RNF157: variants seen among roughly 807,000 people sequenced by gnomAD.
The protein encoded by RNF157 is E3 ubiquitin ligase RNF157.
A neutral mutation model predicts 88.3 loss-of-function variants in RNF157; 55 were observed. That is an observed-to-expected ratio of 0.62 (90% CI 0.50 to 0.78). The LOEUF is 0.78. Ranked by LOEUF, RNF157 falls within the 30% of genes least tolerant of loss-of-function variation. RNF157 has a pLI of 0.00. For synonymous variants in RNF157, 334 were observed against 341.2 expected (o/e 0.98, Z 0.23); for missense variants, 788 against 860.8 (o/e 0.92, Z 1.06).
chr17:76,240,151 A>G lies in RNF157; in HGVS notation c.88+2T>C. 7.5e-7 allele frequency: 1 copy of G among 1,340,444 alleles called. No individual in the cohort carries two copies. 83.0% of individuals were successfully genotyped at this position (1,340,444 alleles called of 1,614,324 possible). On this transcript the variant is annotated splice_donor_variant, in intron 1 of 18. Transcript: ENST00000269391. LOFTEE classifies it high-confidence loss of function. The surrounding 1 kb of genome is among the most constrained non-coding windows in gnomAD (Gnocchi z 4.4). ...GCGGCTGCGGCGCCCGCCCGCCCTCACCGGACTTGGGCGGGTAGCGGTACA... is the reference window on the plus strand; with the variant it reads ...GCGGCTGCGGCGCCCGCCCGCCCTCGCCGGACTTGGGCGGGTAGCGGTACA...
intron 2 of RNF157, among the ~76,000 whole-genome samples, chr17:76,188,686 A>G (rs567248066): frequency 2.0e-5 from 3 of 152,342 alleles, no homozygotes; most frequent in African/African-American, 7.2e-5. Flanking sequence ...TAATACAAAC[A>G]TTCTCTTATG....
chr17:76,232,083 C>G (rs1465298323), intron 1 of RNF157, among the ~76,000 whole-genome samples: 1 of 152,088 alleles, frequency 6.6e-6, no homozygotes, highest in Non-Finnish European at 1.5e-5. Context: ...TAGTTTATCC[C>G]TTTAAATTGT....
intron 14 of RNF157, 55 bp downstream of exon 14, chr17:76,156,155 A>G: frequency 7.4e-7 from 1 of 1,357,702 alleles, no homozygotes; most frequent in Admixed American, 1.7e-5. Context: ...GCACCAGGAC[A>G]CTGTGGGCTG....
At chr17:76,188,179 T>C (rs2069324850) in intron 2 of RNF157, among the ~76,000 whole-genome samples, 2 of 152,232 alleles carry the variant, frequency 1.3e-5, no homozygotes, top group African/African-American at 4.8e-5. Context: ...CTTTAGGTTC[T>C]AGATGGTGAA....
chr17:76,226,454 T>C, intron 1 of RNF157: 1 of 1,603,116 alleles, frequency 6.2e-7, no homozygotes, highest in Non-Finnish European at 8.5e-7. Flanking sequence ...ATTACAAGTG[T>C]CATCCAACGT....
chr17:76,168,512 T>C (rs1394475823), intron 3 of RNF157, among the ~76,000 whole-genome samples: 2 of 151,926 alleles, frequency 1.3e-5, no homozygotes, highest in Non-Finnish European at 2.9e-5. Flanking sequence ...TGTCTAAATC[T>C]CTCAAGACGT....
At chr17:76,234,114 TAAA>T (rs1481555473) in intron 1 of RNF157, among the ~76,000 whole-genome samples, 1 of 152,246 alleles carries the variant, frequency 6.6e-6, no homozygotes, top group Admixed American at 6.5e-5. Context: ...GCATTTCTTA[TAAA>T]TGAGATTATT....
Position 76,154,791 on chromosome 17 carries a change from G to A in RNF157, c.1764+461C>T, listed in dbSNP as rs539216305. ...CCACAGCACACCATGGTCAGGGCAC[G>A]TCTCACACTGAACTGTGGTCCTGTC... On this transcript the variant is annotated intron_variant, in intron 16 of 18. Transcript: ENST00000269391. The A allele has an allele frequency of 4.7e-5, 11 of 236,482 alleles. 1 individual carries two copies. Among genetic ancestry groups the A allele is most frequent in the South Asian group, 2.0e-4 (3 of 15,222 alleles). The allele number at this position is 236,482 out of a possible 1,614,324, so 14.6% of individuals were successfully genotyped here. A position where few individuals can be genotyped will look rare whatever the true frequency, so the allele number is the denominator to read the frequency against.
At chr17:76,168,651 T>C (rs2068966124) in intron 3 of RNF157, among the ~76,000 whole-genome samples, 1 of 152,112 alleles carries the variant, frequency 6.6e-6, no homozygotes, top group South Asian at 2.1e-4. Context: ...CCCTCCAACA[T>C]CCTGGTGGGT....
At chr17:76,174,839 ACATT>A (rs1243324552) in intron 2 of RNF157, among the ~76,000 whole-genome samples, 1 of 152,268 alleles carries the variant, frequency 6.6e-6, no homozygotes, top group Non-Finnish European at 1.5e-5. Context: ...TGTGACTCTT[ACATT>A]CAATAGAAAT....
At chr17:76,196,103 C>A (rs901200988) in intron 2 of RNF157, among the ~76,000 whole-genome samples, 10 of 152,234 alleles carry the variant, frequency 6.6e-5, no homozygotes, top group African/African-American at 2.4e-4. Flanking sequence ...CTTTGGGTAG[C>A]CCTGCTCTGC....
intron 3 of RNF157, 99 bp downstream of exon 3, chr17:76,173,603 G>T: frequency 2.2e-6 from 2 of 908,330 alleles, no homozygotes; most frequent in Non-Finnish European, 3.4e-6. Flanking sequence ...TGGGGCTGCC[G>T]GAAACTGCTG....
rs1161201404 is a variant in RNF157 at position 76,158,383 on chromosome 17, T to C, written c.1413+10A>G. 1.3e-6 allele frequency: 2 copies of C among 1,565,824 alleles called. No individual in the cohort carries two copies. The highest frequency in any genetic ancestry group is 3.3e-5 in the Admixed American group (2 of 59,926). ...ACAACACCCAAGAAGAGGAGAGGAA[T>C]GTCAATTACCTCTCCGAGATGCTGA... On this transcript the variant is annotated intron_variant, in intron 13 of 18. Transcript: ENST00000269391.
At chr17:76,179,249 G>C (rs9912355) in intron 2 of RNF157, among the ~76,000 whole-genome samples, 1 of 151,892 alleles carries the variant, frequency 6.6e-6, no homozygotes, top group Non-Finnish European at 1.5e-5. Context: ...GTAGAACTTA[G>C]TCAGCATGGT....
chr17:76,240,332 G>A lies in RNF157; in HGVS notation c.-92C>T, dbSNP rs992072511. On this transcript the variant is annotated 5_prime_UTR_variant, in exon 1 of 19. Coordinates refer to ENST00000269391, the MANE Select transcript of RNF157 (RefSeq NM_052916.3). The surrounding 1 kb of genome is among the most constrained non-coding windows in gnomAD (Gnocchi z 4.4). ...CGCCCGCCCCGCGCCCGGTGCGGGG[G>A]CCGACTGCCCGCCGCGGCCGGCTCC... 35 of 495,558 alleles carry A rather than the reference G, an allele frequency of 7.1e-5. No individual in the cohort carries two copies. The highest frequency in any genetic ancestry group is 6.8e-4 in the African/African-American group (32 of 47,358). 30.7% of individuals were successfully genotyped at this position (495,558 alleles called of 1,614,324 possible).
In RNF157 at chr17:76,157,080, C is replaced by T. The variant is rs184225574; in HGVS notation, c.1414-759G>A. ...CTCCTGGGTTCAAGCGATTCTCCTGCCTCAGCCTCCCGAGTAGCTGGGACT... is the reference window on the plus strand; with the variant it reads ...CTCCTGGGTTCAAGCGATTCTCCTGTCTCAGCCTCCCGAGTAGCTGGGACT... On this transcript the variant is annotated intron_variant, in intron 13 of 18. Coordinates refer to ENST00000269391, the MANE Select transcript of RNF157 (RefSeq NM_052916.3). This position sits in a 1 kb window ranked among gnomAD's most constrained non-coding sequence, Gnocchi z 5.6. Among the ~76,000 whole-genome samples, 598 of 152,222 alleles carry T rather than the reference C, an allele frequency of 3.9e-3. 1 individual carries two copies. Among genetic ancestry groups the T allele is most frequent in the African/African-American group, 0.013 (533 of 41,534 alleles).
Position 76,195,961 on chromosome 17 carries a change from T to C in RNF157, c.207+16403A>G, listed in dbSNP as rs1444083128. ...AAGTTACCACCCTCTTTCATGGCAA[T>C]GACCCAATGACCCGGAAGGTACTAT... On this transcript the variant is annotated intron_variant, in intron 2 of 18. Coordinates refer to ENST00000269391, the MANE Select transcript of RNF157 (RefSeq NM_052916.3). The surrounding 1 kb of genome is among the most constrained non-coding windows in gnomAD (Gnocchi z 4.4). Among the ~76,000 whole-genome samples, 2 of 152,220 alleles carry C rather than the reference T, an allele frequency of 1.3e-5. No homozygotes were observed. Among genetic ancestry groups the C allele is most frequent in the Non-Finnish European group, 2.9e-5 (2 of 68,038 alleles).
rs367822706 is a variant in RNF157, at chr17:76,203,731, C to T, written c.207+8633G>A. 1.1e-4 allele frequency among the ~76,000 whole-genome samples: 16 copies of T among 150,244 alleles called. No individual in the cohort carries two copies. The South Asian group carries it at 3.4e-3, about 32-fold the overall frequency. On this transcript the variant is annotated intron_variant, in intron 2 of 18. Transcript: ENST00000269391. The stretch of plus-strand genomic sequence containing the variant: ...CCTCCCAAAGTGCTGGGATTACAAG[C>T]ATGACCCACCACGCCTGGCCTGTAA...
In RNF157 at chr17:76,152,127, T is replaced by C. The variant is rs569660225; in HGVS notation, c.1921+228A>G. Among the ~76,000 whole-genome samples, 4 of 152,342 alleles carry C rather than the reference T, an allele frequency of 2.6e-5. No homozygotes were observed. The South Asian group carries it at 8.3e-4, about 32-fold the overall frequency. On this transcript the variant is annotated intron_variant, in intron 18 of 18. Transcript: ENST00000269391. ...CAAATCGTTAAGTTTTGCTTCTTTC[T>C]TCCTATCCTAATACTCTCACTCAGA... is the stretch of plus-strand genomic sequence containing the variant.
Sources: allele counts gnomAD v4.1 joint callset (sites outside exome capture counted in the v4.1 genomes callset), GRCh38; gene constraint gnomAD v4.1.1; non-coding constraint Gnocchi (gnomAD v3.1); transcripts MANE v1.5; gene names NCBI Gene and HGNC (gene_info 2026-07-23, HGNC 2026-07-21).